MAOB: variants seen among roughly 807,000 people sequenced by gnomAD.
MAOB encodes the protein monoamine oxidase B.
In MAOB, 15 loss-of-function variants were observed where a neutral mutation model predicts 41.9. The ratio of observed to expected loss-of-function variants is 0.36; its 90% CI spans 0.24 to 0.55. The LOEUF (loss-of-function observed/expected upper bound fraction) is 0.55, where lower values mean the gene tolerates loss of function less well. Ranked by LOEUF, MAOB falls within the 20% of genes least tolerant of loss-of-function variation. MAOB has a pLI of 0.86. For synonymous variants in MAOB, 167 were observed against 144.2 expected (o/e 1.16, Z -1.13); for missense variants, 345 against 398.7 (o/e 0.87, Z 1.15).
intron 1 of MAOB, among the ~76,000 whole-genome samples, chrX:43,862,503 T>C (rs956085461): frequency 1.4e-4 from 16 of 112,426 alleles, no homozygotes; most frequent in African/African-American, 5.2e-4. Context: ...CACTAAAGGC[T>C]TGTGAAAGCA....
chrX:43,769,362 T>G lies in MAOB; in HGVS notation c.1292A>C (p.His431Pro). 8.3e-7 allele frequency: 1 copy of G among 1,209,826 alleles called. No individual in the cohort carries two copies. Among genetic ancestry groups the G allele is most frequent in the Non-Finnish European group, 1.1e-6 (1 of 894,918 alleles). The change falls in exon 13 of 15, where the codon CAC becomes CCC. Residue 431 changes from histidine to proline, a missense_variant. Physicochemically the swap from His to Pro is moderately conservative, Grantham distance 77 (BLOSUM62 -2). Coordinates refer to ENST00000378069, the MANE Select transcript of MAOB (RefSeq NM_000898.5). ...IYFAGTETAT[H>P]WSGYMEGAVE... ...AGCCCCCTCCATGTAGCCGCTCCAG[T>G]GTGTGGCAGTCTCGGTGCCTGCAAA...
chrX:43,838,806 A>T lies in MAOB; in HGVS notation c.279+62T>A, dbSNP rs771864305. On this transcript the variant is annotated intron_variant, in intron 3 of 14. Transcript: ENST00000378069. ...AGATTCTCTGAGAGAATGATCTGGA[A>T]TTTGTGTAAGGAAACATCATAGAGA... is the stretch of plus-strand genomic sequence containing the variant. The T allele has an allele frequency of 2.7e-5, 28 of 1,030,137 alleles. No homozygotes were observed. The East Asian group carries it at 9.3e-4, about 34-fold the overall frequency. The allele number at this position is 1,030,137 out of a possible 1,213,427, so 84.9% of individuals were successfully genotyped here.
intron 1 of MAOB, among the ~76,000 whole-genome samples, chrX:43,881,544 G>T (rs2035473330): frequency 8.9e-6 from 1 of 112,070 alleles, no homozygotes; most frequent in Non-Finnish European, 1.9e-5. Context: ...GGTGCCCTTG[G>T]TATGTACACA....
intron 6 of MAOB, among the ~76,000 whole-genome samples, chrX:43,796,098 G>C (rs1481885499): frequency 2.7e-5 from 3 of 111,925 alleles, no homozygotes; most frequent in Admixed American, 9.5e-5. Flanking sequence ...CTATGCTCTT[G>C]TAGATTCCCA....
In MAOB at chrX:43,855,708, A is replaced by C. The variant is rs376608337; in HGVS notation, c.47-11944T>G. Among the ~76,000 whole-genome samples, 21 of 112,280 alleles carry C rather than the reference A, an allele frequency of 1.9e-4. 1 individual carries two copies. In the East Asian group the frequency reaches 4.5e-3, roughly 24 times the overall value. On this transcript the variant is annotated intron_variant, in intron 1 of 14. Transcript: ENST00000378069. ...GACTCAATTAGAATGGGCCTTGCATACAGAATTTGAAACAGATAAACAAAT... is the reference window on the plus strand; with the variant it reads ...GACTCAATTAGAATGGGCCTTGCATCCAGAATTTGAAACAGATAAACAAAT...
At chrX:43,862,539 T>C (rs1411604051) in intron 1 of MAOB, among the ~76,000 whole-genome samples, 1 of 112,587 alleles carries the variant, frequency 8.9e-6, no homozygotes, top group African/African-American at 3.2e-5. Context: ...AAATTTTACA[T>C]ACACTAATAC....
chrX:43,768,710 G>A lies in MAOB; in HGVS notation c.1354C>T (p.His452Tyr). Residue 452 changes from histidine to tyrosine, a missense_variant, in exon 14 of 15, where the codon CAT (histidine) becomes TAT (tyrosine). His to Tyr is a moderately conservative substitution (Grantham distance 83). Coordinates refer to ENST00000378069, the MANE Select transcript of MAOB (RefSeq NM_000898.5). Reference protein sequence around the residue: ...AGERAAREILHAMGKIPEDEI... With the variant: ...AGERAAREILYAMGKIPEDEI... ...TCCTCTGGAATCTTCCCCATGGCAT[G>A]CAGGATCTGAAATGAAAGAACACAC... 8.3e-7 allele frequency: 1 copy of A among 1,207,196 alleles called. No individual in the cohort carries two copies. The highest frequency in any genetic ancestry group is 1.1e-6 in the Non-Finnish European group (1 of 891,548).
At chrX:43,843,623 ACT>A in intron 2 of MAOB, 45 bp downstream of exon 2, 1 of 1,152,214 alleles carries the variant, frequency 8.7e-7, no homozygotes, top group Non-Finnish European at 1.2e-6. Flanking sequence ...GAAACCCCAA[ACT>A]CAGCTTCAGT....
intron 1 of MAOB, among the ~76,000 whole-genome samples, chrX:43,874,039 C>T (rs760430305): frequency 2.2e-4 from 25 of 111,874 alleles, no homozygotes; most frequent in Non-Finnish European, 3.8e-4. Flanking sequence ...CAGAGATACA[C>T]GTTTTATCAT....
intron 3 of MAOB, among the ~76,000 whole-genome samples, chrX:43,815,431 C>T (rs757508057): frequency 3.7e-4 from 41 of 111,686 alleles, no homozygotes; most frequent in Non-Finnish European, 2.4e-4. Context: ...AAAATAGAGA[C>T]GACTATCTAC....
intron 5 of MAOB, among the ~76,000 whole-genome samples, chrX:43,798,638 AGTGTGCACTC>A (rs1158416454): frequency 1.8e-5 from 2 of 111,791 alleles, no homozygotes; most frequent in Admixed American, 1.9e-4. Context: ...CATCAGTAGT[AGTGTGCACTC>A]TGGGATTTCT....
chrX:43,855,438 A>C (rs2035281729), intron 1 of MAOB, among the ~76,000 whole-genome samples: 1 of 110,561 alleles, frequency 9.0e-6, no homozygotes, highest in Non-Finnish European at 1.9e-5. Context: ...GTGTATGTGC[A>C]CTGAAGCTGT....
At chrX:43,776,002 G>T (rs988246012) in intron 11 of MAOB, among the ~76,000 whole-genome samples, 1 of 112,431 alleles carries the variant, frequency 8.9e-6, no homozygotes, top group African/African-American at 3.2e-5. Flanking sequence ...TCACACAGCT[G>T]ACTTTGGACA....
chrX:43,816,858 C>T (rs1398703737), intron 3 of MAOB, among the ~76,000 whole-genome samples: 4 of 111,443 alleles, frequency 3.6e-5, no homozygotes. Flanking sequence ...TGTGCTGTGC[C>T]AGGCTGGTGG....
At chrX:43,848,159 A>C (rs778465445) in intron 1 of MAOB, among the ~76,000 whole-genome samples, 1 of 111,494 alleles carries the variant, frequency 9.0e-6, no homozygotes, top group Non-Finnish European at 1.9e-5. Flanking sequence ...GGAAATACAC[A>C]GTGGCAGTAA....
chrX:43,789,126 T>C (rs1396267564), intron 8 of MAOB, among the ~76,000 whole-genome samples: 1 of 112,224 alleles, frequency 8.9e-6, no homozygotes, highest in Non-Finnish European at 1.9e-5. Flanking sequence ...ATTTTGTACA[T>C]GAAACAAAGT....
intron 1 of MAOB, chrX:43,844,498 TG>T (rs1186181284): frequency 2.7e-5 from 3 of 111,973 alleles, no homozygotes; most frequent in Non-Finnish European, 5.6e-5. Context: ...GACTGGATGG[TG>T]GGATACCTAG....
At chrX:43,850,606 T>C in intron 1 of MAOB, 2 of 269,004 alleles carry the variant, frequency 7.4e-6, no homozygotes, top group Non-Finnish European at 5.1e-6. Flanking sequence ...ATGTTTAGAA[T>C]GATGTTATTC....
chrX:43,832,152 T>G (rs112439693), intron 3 of MAOB, among the ~76,000 whole-genome samples: 2,030 of 111,678 alleles, frequency 0.018, 67 homozygotes, highest in African/African-American at 0.062. Flanking sequence ...GTGGACAGGC[T>G]GCATGTAGCC....
Sources: allele counts gnomAD v4.1 joint callset (sites outside exome capture counted in the v4.1 genomes callset), GRCh38; gene constraint gnomAD v4.1.1; transcripts MANE v1.5; gene names NCBI Gene and HGNC (gene_info 2026-07-23, HGNC 2026-07-21).